Variants in KCNJ6 observed in about 807,000 individuals in gnomAD.
KCNJ6 encodes the protein G protein-activated inward rectifier potassium channel 2.
KCNJ6 carries 9 observed loss-of-function variants against 34.2 expected under a neutral mutation model. The ratio of observed to expected loss-of-function variants is 0.26; its 90% CI spans 0.16 to 0.46. The LOEUF (loss-of-function observed/expected upper bound fraction) is 0.46. KCNJ6 is among the 20% of genes least tolerant of loss of function. KCNJ6 has a pLI of 1.00. For missense variants in KCNJ6, 236 were observed against 531.3 expected (o/e 0.44, Z 5.46); for synonymous variants, 196 against 207.1 (o/e 0.95, Z 0.46).
intron 3 of KCNJ6, among the ~76,000 whole-genome samples, chr21:37,708,624 A>G (rs979470850): frequency 1.6e-4 from 24 of 152,154 alleles, no homozygotes; most frequent in African/African-American, 5.6e-4. Context: ...TCCTCCAGGA[A>G]GATGCCTCTA....
chr21:37,893,569 C>T (rs567810420), intron 1 of KCNJ6, among the ~76,000 whole-genome samples: 45 of 152,108 alleles, frequency 3.0e-4, no homozygotes, highest in African/African-American at 1.0e-3. Flanking sequence ...CAACAGCACT[C>T]GGCTCCAGCA....
chr21:37,863,559 C>A (rs977091541), intron 1 of KCNJ6, among the ~76,000 whole-genome samples: 1 of 152,246 alleles, frequency 6.6e-6, no homozygotes, highest in East Asian at 1.9e-4. Context: ...TTGCTTTATG[C>A]ACAGGGTGTG....
intron 2 of KCNJ6, 72 bp from the exon 3 acceptor site, chr21:37,715,203 CTT>C (rs2054784028): frequency 6.1e-6 from 8 of 1,312,208 alleles, no homozygotes; most frequent in Non-Finnish European, 6.3e-6. Context: ...GAACGGCACA[CTT>C]TGTATGGGCT....
intron 3 of KCNJ6, among the ~76,000 whole-genome samples, chr21:37,677,080 G>T (rs570396786): frequency 6.6e-6 from 1 of 152,182 alleles, no homozygotes; most frequent in African/African-American, 2.4e-5. Flanking sequence ...ATCGATAATT[G>T]GTTCCAGTTC....
intron 2 of KCNJ6, among the ~76,000 whole-genome samples, chr21:37,776,068 T>C (rs1024283104): frequency 6.6e-6 from 1 of 152,224 alleles, no homozygotes; most frequent in African/African-American, 2.4e-5. Flanking sequence ...GTCCTTCACA[T>C]CCCTTGTAAG....
intron 1 of KCNJ6, among the ~76,000 whole-genome samples, chr21:37,861,889 C>T (rs918882867): frequency 3.3e-5 from 5 of 152,210 alleles, no homozygotes; most frequent in African/African-American, 9.7e-5. Context: ...TGCTGGGCCC[C>T]TGGGCAAGCT....
chr21:37,814,054 T>C (rs751819913), intron 2 of KCNJ6, among the ~76,000 whole-genome samples: 1 of 152,154 alleles, frequency 6.6e-6, no homozygotes, highest in African/African-American at 2.4e-5. Flanking sequence ...AACAATTCTA[T>C]AGGAAAACAA....
At chr21:37,740,553 T>G (rs1428280034) in intron 2 of KCNJ6, among the ~76,000 whole-genome samples, 2 of 152,224 alleles carry the variant, frequency 1.3e-5, no homozygotes, top group Non-Finnish European at 2.9e-5. Context: ...AATGTATTTC[T>G]GAAATGTATT....
intron 3 of KCNJ6, among the ~76,000 whole-genome samples, chr21:37,681,621 T>C (rs906317411): frequency 6.6e-5 from 10 of 152,240 alleles, no homozygotes; most frequent in African/African-American, 2.4e-4. Context: ...GAAATTTCTG[T>C]ACTGAGTCAG....
chr21:37,908,126 G>A (rs1268877108), intron 1 of KCNJ6, among the ~76,000 whole-genome samples: 1 of 152,212 alleles, frequency 6.6e-6, no homozygotes, highest in Non-Finnish European at 1.5e-5. Flanking sequence ...ATGTGGCTGT[G>A]ATATCTGAGT....
chr21:37,884,759 G>T (rs1221909336), intron 1 of KCNJ6, among the ~76,000 whole-genome samples: 1 of 152,132 alleles, frequency 6.6e-6, no homozygotes, highest in African/African-American at 2.4e-5. Flanking sequence ...CAGGAAGAGG[G>T]GCAGACACTG....
intron 3 of KCNJ6, among the ~76,000 whole-genome samples, chr21:37,705,184 T>C (rs757645560): frequency 2.0e-5 from 3 of 152,110 alleles, no homozygotes; most frequent in Admixed American, 6.5e-5. Context: ...CTCGAATCAA[T>C]AACCACTATC....
At chr21:37,802,075 T>C (rs1465116524) in intron 2 of KCNJ6, among the ~76,000 whole-genome samples, 3 of 152,236 alleles carry the variant, frequency 2.0e-5, no homozygotes, top group Non-Finnish European at 4.4e-5. Context: ...ATTTAGGGCT[T>C]TGACATCACC....
intron 3 of KCNJ6, among the ~76,000 whole-genome samples, chr21:37,626,768 C>G (rs1264114588): frequency 6.6e-6 from 1 of 152,110 alleles, no homozygotes; most frequent in Admixed American, 6.5e-5. Context: ...GCCCATGATA[C>G]TTTTAGAGGC....
At chr21:37,711,875 G>T (rs965924606) in intron 3 of KCNJ6, among the ~76,000 whole-genome samples, 4 of 151,974 alleles carry the variant, frequency 2.6e-5, no homozygotes, top group African/African-American at 9.7e-5. Flanking sequence ...CCAGGGATGG[G>T]GTGAGCGTTT....
chr21:37,749,132 A>C (rs2054982046), intron 2 of KCNJ6, among the ~76,000 whole-genome samples: 1 of 152,142 alleles, frequency 6.6e-6, no homozygotes, highest in Non-Finnish European at 1.5e-5. Flanking sequence ...TCAATTTCTA[A>C]CTTCTGAGCT....
intron 1 of KCNJ6, among the ~76,000 whole-genome samples, chr21:37,876,679 T>C (rs2055680043): frequency 3.9e-5 from 6 of 152,118 alleles, no homozygotes; most frequent in Admixed American, 3.9e-4. Flanking sequence ...ATTGCATGTC[T>C]TTAGGTTGAG....
intron 2 of KCNJ6, among the ~76,000 whole-genome samples, chr21:37,806,110 G>T (rs1158814841): frequency 6.6e-6 from 1 of 152,208 alleles, no homozygotes; most frequent in East Asian, 1.9e-4. Context: ...GCTTCTATGT[G>T]ATCTGTGATG....
chr21:37,778,609 G>C (rs1227648211), intron 2 of KCNJ6, among the ~76,000 whole-genome samples: 1 of 152,102 alleles, frequency 6.6e-6, no homozygotes, highest in African/African-American at 2.4e-5. Context: ...CTCTGGATGT[G>C]GCATCCATCT....
Sources: allele counts gnomAD v4.1 joint callset (sites outside exome capture counted in the v4.1 genomes callset), GRCh38; gene constraint gnomAD v4.1.1; transcripts MANE v1.5; gene names NCBI Gene and HGNC (gene_info 2026-07-23, HGNC 2026-07-21).